Variants in FYB1 observed in about 807,000 individuals in gnomAD.
The protein encoded by FYB1 is FYN binding protein 1.
In FYB1, 41 loss-of-function variants were observed where a neutral mutation model predicts 94.1. The observed-to-expected ratio is 0.44, with a 90% CI of 0.34 to 0.57. The LOEUF (loss-of-function observed/expected upper bound fraction) is 0.57. Ranked by LOEUF, FYB1 falls within the 20% of genes least tolerant of loss-of-function variation. The probability of loss-of-function intolerance (pLI) is 0.02; values close to 1 mark genes in which losing one functional copy is unlikely to be tolerated. For missense variants in FYB1, 1,050 were observed against 976.8 expected, an observed-to-expected ratio of 1.07 and a Z score of -1.00; for synonymous variants, 367 against 353.2, an observed-to-expected ratio of 1.04 and a Z score of -0.44.
chr5:39,147,602 A>G (rs1742784670), intron 3 of FYB1, among the ~76,000 whole-genome samples: 1 of 151,926 alleles, frequency 6.6e-6, no homozygotes, highest in African/African-American at 2.4e-5. Context: ...TATGCTATTA[A>G]GACATCCAGA....
At chr5:39,175,179 G>T (rs1745608945) in intron 2 of FYB1, among the ~76,000 whole-genome samples, 1 of 152,144 alleles carries the variant, frequency 6.6e-6, no homozygotes, top group African/African-American at 2.4e-5. Flanking sequence ...ACAGAATGGA[G>T]ATCCAGCCAG....
intron 2 of FYB1, among the ~76,000 whole-genome samples, chr5:39,189,219 G>A (rs1747136462): frequency 7.5e-6 from 1 of 132,990 alleles, no homozygotes; most frequent in Non-Finnish European, 1.6e-5. Context: ...GCAGAAGAAC[G>A]CCTTTTATGG....
intron 1 of FYB1, among the ~76,000 whole-genome samples, chr5:39,213,487 T>A (rs983252999): frequency 6.6e-6 from 1 of 152,226 alleles, no homozygotes; most frequent in Non-Finnish European, 1.5e-5. Context: ...GTCCTACTTA[T>A]GGTTGTGATC....
At chr5:39,258,383 T>C (rs1360515987) in intron 1 of FYB1, among the ~76,000 whole-genome samples, 2 of 152,142 alleles carry the variant, frequency 1.3e-5, no homozygotes, top group African/African-American at 2.4e-5. Flanking sequence ...GCAGATCACC[T>C]GAGGTCAGGA....
At chr5:39,273,085 G>T (rs531266533) in intron 1 of FYB1, among the ~76,000 whole-genome samples, 30 of 152,294 alleles carry the variant, frequency 2.0e-4, no homozygotes, top group African/African-American at 6.3e-4. Context: ...CTGCCCGGCC[G>T]CCCCTTCTGG....
At chr5:39,242,182 C>T (rs1054779584) in intron 1 of FYB1, among the ~76,000 whole-genome samples, 1 of 151,976 alleles carries the variant, frequency 6.6e-6, no homozygotes, top group African/African-American at 2.4e-5. Flanking sequence ...GGTACATATG[C>T]ACAATGTGCA....
intron 1 of FYB1, among the ~76,000 whole-genome samples, chr5:39,232,937 T>C (rs1022143310): frequency 1.3e-5 from 2 of 152,114 alleles, no homozygotes; most frequent in Non-Finnish European, 2.9e-5. Flanking sequence ...AGGGTGTATA[T>C]GTGCCACATT....
chr5:39,222,436 C>G (rs73072549), upstream of FYB1, among the ~76,000 whole-genome samples: 1,979 of 152,268 alleles, frequency 0.013, 36 homozygotes, highest in African/African-American at 0.043. Context: ...TTTTTTAATG[C>G]ATTTGTCCCA....
chr5:39,167,253 A>G (rs1744821571), intron 2 of FYB1, among the ~76,000 whole-genome samples: 2 of 151,650 alleles, frequency 1.3e-5, no homozygotes, highest in South Asian at 4.2e-4. Context: ...GATCTTGGGT[A>G]GTTCTCTCTC....
At chr5:39,143,259 A>G (rs557007644) in intron 3 of FYB1, among the ~76,000 whole-genome samples, 40 of 150,326 alleles carry the variant, frequency 2.7e-4, no homozygotes, top group African/African-American at 7.6e-4. Context: ...TGCTCTCCCT[A>G]CTAGGTTTCT....
chr5:39,266,611 G>C (rs768090619), intron 1 of FYB1, among the ~76,000 whole-genome samples: 12 of 152,202 alleles, frequency 7.9e-5, no homozygotes, highest in Non-Finnish European at 1.0e-4. Flanking sequence ...AGTTCAGGAA[G>C]TGGGGGAGGT....
At position 39,131,381 on chromosome 5, in the gene FYB1, C is replaced by T. The variant is rs765763811; in HGVS notation, c.1818-769G>A. ...TCTGAGAAATTAAGTGACTTGACCA[C>T]GCCCACTTTTACACCTAGCTGCACT... On this transcript the variant is annotated intron_variant, in intron 9 of 18. Transcript: ENST00000512982. Among the ~76,000 whole-genome samples the T allele has an allele frequency of 3.9e-5, 6 of 152,124 alleles. No individual in the cohort carries two copies. The East Asian group carries it at 7.7e-4, about 20-fold the overall frequency.
intron 3 of FYB1, among the ~76,000 whole-genome samples, chr5:39,149,533 C>T (rs1743062003): frequency 4.6e-5 from 7 of 152,210 alleles, no homozygotes; most frequent in Admixed American, 4.6e-4. Context: ...TCATTTCTCC[C>T]ATCAGTTACT....
intron 2 of FYB1, among the ~76,000 whole-genome samples, chr5:39,161,894 T>C (rs1744279304): frequency 6.6e-6 from 1 of 152,226 alleles, no homozygotes; most frequent in South Asian, 2.1e-4. Context: ...TAATCTATTT[T>C]TGGTTTCTTA....
At chr5:39,177,275 T>G (rs1356388822) in intron 2 of FYB1, among the ~76,000 whole-genome samples, 1 of 152,174 alleles carries the variant, frequency 6.6e-6, no homozygotes, top group African/African-American at 2.4e-5. Context: ...TTCTTACTAT[T>G]GTGCGCCTGC....
At chr5:39,142,401 A>G (rs1169922191) in intron 3 of FYB1, among the ~76,000 whole-genome samples, 1 of 152,152 alleles carries the variant, frequency 6.6e-6, no homozygotes, top group Non-Finnish European at 1.5e-5. Flanking sequence ...ACTCATCTGC[A>G]GTTATACTCA....
chr5:39,191,779 G>A (rs922040398), intron 2 of FYB1, among the ~76,000 whole-genome samples: 7 of 152,036 alleles, frequency 4.6e-5, no homozygotes, highest in African/African-American at 1.4e-4. Context: ...TTAAAGCCAC[G>A]CCATAAATAT....
In FYB1 at chr5:39,202,985, A is replaced by T; in HGVS notation, c.-25T>A. ...TGAGGGACTTTACATCTGCCTTTCC[A>T]TCCTACAAACATAGGGAACAAAAAA... On this transcript the variant is annotated splice_region_variant and 5_prime_UTR_variant, in exon 2 of 19. It removes an upstream start codon present in the reference 5' UTR. Transcript: ENST00000512982. The T allele has an allele frequency of 6.2e-7, 1 of 1,612,702 alleles. No individual in the cohort carries two copies. The highest frequency in any genetic ancestry group is 1.8e-4 in the Middle Eastern group (1 of 5,514).
At chr5:39,198,253 A>G (rs952453899) in intron 2 of FYB1, among the ~76,000 whole-genome samples, 3 of 152,208 alleles carry the variant, frequency 2.0e-5, no homozygotes, top group African/African-American at 4.8e-5. Context: ...TAGCTAGTAC[A>G]TTAGTCATGC....
Sources: gnomAD v4.1 joint callset for allele counts (sites outside exome capture counted in the v4.1 genomes callset) on GRCh38, gnomAD v4.1.1 for gene constraint, MANE v1.5 for transcripts, NCBI Gene and HGNC (gene_info 2026-07-23, HGNC 2026-07-21) for gene names.